Variants in KCNAB1 observed in about 807,000 individuals in gnomAD.
The protein encoded by KCNAB1 is voltage-gated potassium channel subunit beta-1.
KCNAB1 carries 35 observed loss-of-function variants against 64.6 expected under a neutral mutation model. That is an observed-to-expected ratio of 0.54 (90% CI 0.41 to 0.72). The LOEUF (loss-of-function observed/expected upper bound fraction) is 0.72. Among genes scored for constraint, KCNAB1 ranks in the 30% least tolerant of loss-of-function variants. The pLI is 0.00. For synonymous variants in KCNAB1, 177 were observed against 183.8 expected, an observed-to-expected ratio of 0.96 and a Z score of 0.30; for missense variants, 401 against 512.9, an observed-to-expected ratio of 0.78 and a Z score of 2.11.
intron 4 of KCNAB1, among the ~76,000 whole-genome samples, chr3:156,458,522 CAG>C (rs1405696862): frequency 6.6e-6 from 1 of 152,212 alleles, no homozygotes. Context: ...TCAGGATGAT[CAG>C]TGGATGGTCC....
chr3:156,257,745 T>C (rs965713239), intron 1 of KCNAB1, among the ~76,000 whole-genome samples: 2 of 152,106 alleles, frequency 1.3e-5, no homozygotes, highest in Non-Finnish European at 2.9e-5. Context: ...GAGTCATAGT[T>C]TACTGGGGGA....
intron 1 of KCNAB1, among the ~76,000 whole-genome samples, chr3:156,227,420 G>A (rs1363623973): frequency 2.0e-5 from 3 of 152,150 alleles, no homozygotes; most frequent in Non-Finnish European, 4.4e-5. Flanking sequence ...AAAGTGGGAC[G>A]ATTCCAAGCA....
chr3:156,176,000 A>C, intron 1 of KCNAB1: 1 of 893,674 alleles, frequency 1.1e-6, no homozygotes, highest in Non-Finnish European at 1.9e-6. Context: ...ACATACACAA[A>C]CCTGTCGGCT....
intron 1 of KCNAB1, among the ~76,000 whole-genome samples, chr3:156,169,496 C>T (rs774473276): frequency 2.6e-5 from 4 of 152,090 alleles, no homozygotes; most frequent in Non-Finnish European, 4.4e-5. Context: ...CTTCTTGAGC[C>T]GTTCTTGCCT....
At chr3:156,278,624 C>T (rs1719496217) in intron 1 of KCNAB1, among the ~76,000 whole-genome samples, 1 of 152,078 alleles carries the variant, frequency 6.6e-6, no homozygotes, top group African/African-American at 2.4e-5. Context: ...TTTTAGAAAT[C>T]ATCATAGTTC....
chr3:156,284,348 G>A (rs967150009), intron 1 of KCNAB1, among the ~76,000 whole-genome samples: 10 of 152,176 alleles, frequency 6.6e-5, no homozygotes, highest in Admixed American at 6.5e-5. Flanking sequence ...CTGCGTGCTC[G>A]GAGAACCACT....
At chr3:156,143,569 G>GTTTTTTGTTTTTTTTTTTTTTTT (rs1553807969) in intron 1 of KCNAB1, 2 of 281,598 alleles carry the variant, frequency 7.1e-6, no homozygotes, top group African/African-American at 5.9e-5. Flanking sequence ...TTGCATTCTT[G>GTTTTTTGTTTTTTTTTTTTTTTT]TTTTTTTTTT....
chr3:156,534,836 A>G (rs1020408431), intron 13 of KCNAB1, among the ~76,000 whole-genome samples: 1 of 152,216 alleles, frequency 6.6e-6, no homozygotes, highest in Non-Finnish European at 1.5e-5. Context: ...GTAGTTTACA[A>G]TGTTTCAAAG....
chr3:156,248,447 A>C (rs1379739801), intron 1 of KCNAB1, among the ~76,000 whole-genome samples: 1 of 148,528 alleles, frequency 6.7e-6, no homozygotes, highest in Non-Finnish European at 1.5e-5. Context: ...GTTGTTACAT[A>C]GTTGTGGAGG....
At chr3:156,493,422 G>T (rs767585064) in intron 8 of KCNAB1, among the ~76,000 whole-genome samples, 5 of 151,904 alleles carry the variant, frequency 3.3e-5, no homozygotes, top group East Asian at 1.9e-4. Context: ...TTTGTTGTAT[G>T]TACTTTTGTC....
intron 1 of KCNAB1, among the ~76,000 whole-genome samples, chr3:156,415,407 G>A (rs550069290): frequency 6.6e-6 from 1 of 152,138 alleles, no homozygotes; most frequent in African/African-American, 2.4e-5. Flanking sequence ...CAAGCAACCT[G>A]CCCAAGGTCA....
At position 156,337,841 on chromosome 3, in the gene KCNAB1, A is replaced by G. The variant is rs7614677; in HGVS notation, c.276-83775A>G. Among the ~76,000 whole-genome samples the G allele has an allele frequency of 5.5e-3, 841 of 152,354 alleles. 11 individuals carry two copies. The highest frequency in any genetic ancestry group is 0.019 in the African/African-American group (805 of 41,572). On this transcript the variant is annotated intron_variant, in intron 1 of 13. Transcript: ENST00000490337. ...ACAATGATAAATTTCAGTATGTAACATAGCAATAAAGCATGTTTGATTAAT... is the reference window on the plus strand; with the variant it reads ...ACAATGATAAATTTCAGTATGTAACGTAGCAATAAAGCATGTTTGATTAAT...
At chr3:156,450,140 G>A (rs1427694021) in intron 2 of KCNAB1, among the ~76,000 whole-genome samples, 1 of 152,208 alleles carries the variant, frequency 6.6e-6, no homozygotes, top group Non-Finnish European at 1.5e-5. Flanking sequence ...TCTGATGAAT[G>A]AGGAAATTAA....
chr3:156,524,638 T>C (rs571231549), intron 12 of KCNAB1, among the ~76,000 whole-genome samples: 4 of 149,924 alleles, frequency 2.7e-5, no homozygotes, highest in African/African-American at 9.8e-5. Context: ...TCCCAGCTAC[T>C]TGGGAGGCTG....
intron 1 of KCNAB1, among the ~76,000 whole-genome samples, chr3:156,268,284 G>A (rs1318788889): frequency 1.3e-5 from 2 of 152,126 alleles, no homozygotes; most frequent in African/African-American, 2.4e-5. Context: ...TGATGGACAT[G>A]TAGGTTGCTT....
intron 1 of KCNAB1, among the ~76,000 whole-genome samples, chr3:156,200,674 T>A (rs761380352): frequency 2.0e-5 from 3 of 152,160 alleles, no homozygotes; most frequent in Non-Finnish European, 4.4e-5. Flanking sequence ...CCAAGCTCGA[T>A]CATCCCAGGT....
At chr3:156,127,265 G>A (rs1053162501) in intron 1 of KCNAB1, among the ~76,000 whole-genome samples, 1 of 152,106 alleles carries the variant, frequency 6.6e-6, no homozygotes, top group Non-Finnish European at 1.5e-5. Flanking sequence ...TTTTTTCCTA[G>A]AAAAAGCTAT....
chr3:156,377,832 G>C (rs1322432723), intron 1 of KCNAB1, among the ~76,000 whole-genome samples: 10 of 152,046 alleles, frequency 6.6e-5, no homozygotes, highest in African/African-American at 2.4e-4. Flanking sequence ...TTAGCTTGTG[G>C]AAAGTGCTGA....
intron 1 of KCNAB1, among the ~76,000 whole-genome samples, chr3:156,231,834 A>G (rs181840929): frequency 7.2e-5 from 11 of 152,220 alleles, no homozygotes; most frequent in Non-Finnish European, 1.2e-4. Context: ...TGCCTTTCTG[A>G]AACAAATCAA....
Sources: gnomAD v4.1 joint callset for allele counts (sites outside exome capture counted in the v4.1 genomes callset) on GRCh38, gnomAD v4.1.1 for gene constraint, MANE v1.5 for transcripts, NCBI Gene and HGNC (gene_info 2026-07-23, HGNC 2026-07-21) for gene names.